The following VSTM4 variants were observed in gnomAD, a reference collection of about 807,000 sequenced individuals.
VSTM4 encodes the protein V-set and transmembrane domain-containing protein 4.
A neutral mutation model predicts 36.4 loss-of-function variants in VSTM4; 20 were observed. The ratio of observed to expected loss-of-function variants is 0.55; its 90% CI spans 0.39 to 0.80. The LOEUF is 0.80. VSTM4 is among the 30% of genes least tolerant of loss of function. VSTM4 has a pLI of 0.00. For missense variants in VSTM4, 392 were observed against 404.5 expected (o/e 0.97, Z 0.26); for synonymous variants, 182 against 173.9 (o/e 1.05, Z -0.37).
intron 7 of VSTM4, among the ~76,000 whole-genome samples, chr10:49,027,051 C>A (rs1377556973): frequency 6.6e-6 from 1 of 152,134 alleles, no homozygotes; most frequent in African/African-American, 2.4e-5. Flanking sequence ...CCTTCAAAAC[C>A]CACCAGGCCC....
intron 7 of VSTM4, among the ~76,000 whole-genome samples, chr10:49,032,530 G>A (rs149379782): frequency 6.6e-6 from 1 of 152,308 alleles, no homozygotes; most frequent in African/African-American, 2.4e-5. Flanking sequence ...AGAGGCTCGA[G>A]GATGCTGCTG....
chr10:49,035,819 G>C (rs1415172040), intron 7 of VSTM4, among the ~76,000 whole-genome samples: 1 of 152,080 alleles, frequency 6.6e-6, no homozygotes, highest in Non-Finnish European at 1.5e-5. Flanking sequence ...CTGGGCAATA[G>C]AGCAAGACTC....
Position 49,018,477 on chromosome 10 carries a change from A to G in VSTM4, c.*1173T>C, listed in dbSNP as rs752125940. On this transcript the variant is annotated 3_prime_UTR_variant, in exon 8 of 8. Coordinates refer to ENST00000332853, the MANE Select transcript of VSTM4 (RefSeq NM_001031746.5). ...AAAATAGATAATTTATCATATATAC[A>G]TGGTCCACTACATAGTCAAACAATT... The G allele has an allele frequency of 6.6e-6, 1 of 152,222 alleles. No individual in the cohort carries two copies. Among genetic ancestry groups the G allele is most frequent in the Admixed American group, 6.5e-5 (1 of 15,286 alleles). The allele number at this position is 152,222 out of a possible 1,614,324, so 9.4% of individuals were successfully genotyped here. A position where few individuals can be genotyped will look rare whatever the true frequency, so the allele number is the denominator to read the frequency against.
chr10:49,027,534 G>A (rs571578347), intron 7 of VSTM4, among the ~76,000 whole-genome samples: 30 of 152,284 alleles, frequency 2.0e-4, no homozygotes, highest in Admixed American at 9.2e-4. Context: ...ATAGATGTCT[G>A]TAACCACTGC....
intron 2 of VSTM4, among the ~76,000 whole-genome samples, chr10:49,093,245 C>T (rs1173685021): frequency 6.6e-6 from 1 of 152,074 alleles, no homozygotes; most frequent in African/African-American, 2.4e-5. Flanking sequence ...AAACATTCAC[C>T]CCTGGACACT....
chr10:49,038,316 A>C lies in VSTM4; in HGVS notation c.837+8667T>G, dbSNP rs1242815579. Among the ~76,000 whole-genome samples, 4 of 152,370 alleles carry C rather than the reference A, an allele frequency of 2.6e-5. 1 individual carries two copies. The highest frequency in any genetic ancestry group is 9.6e-5 in the African/African-American group (4 of 41,592). On this transcript the variant is annotated intron_variant, in intron 7 of 7. Transcript: ENST00000332853. ...AATTCTCACACACACAGCAACGTGG[A>C]TGAATAAGGACATTATGCTAAGCAA...
intron 2 of VSTM4, among the ~76,000 whole-genome samples, chr10:49,105,841 G>GTATATATATATATATATCTTGTGTGTA (rs1844772398): frequency 2.7e-5 from 4 of 149,372 alleles, no homozygotes; most frequent in African/African-American, 9.9e-5. Context: ...ATGTGTGTGT[G>GTATATATATATATATATCTTGTGTGTA]TATATATATA....
At chr10:49,080,721 C>T (rs907209578) in intron 3 of VSTM4, among the ~76,000 whole-genome samples, 5 of 152,140 alleles carry the variant, frequency 3.3e-5, no homozygotes, top group African/African-American at 9.7e-5. Context: ...AGAAGGATGC[C>T]TTAATAGCAT....
At chr10:49,053,505 A>G (rs1187537898) in intron 5 of VSTM4, among the ~76,000 whole-genome samples, 1 of 152,236 alleles carries the variant, frequency 6.6e-6, no homozygotes, top group Non-Finnish European at 1.5e-5. Context: ...ACCAATCTGT[A>G]AAAGGGGAGG....
chr10:49,109,377 T>C (rs1844851600), intron 1 of VSTM4, among the ~76,000 whole-genome samples: 1 of 152,194 alleles, frequency 6.6e-6, no homozygotes, highest in African/African-American at 2.4e-5. Context: ...GGAGGGATGG[T>C]AGATACAAAC....
chr10:49,104,816 GA>G (rs1331052069), intron 2 of VSTM4, among the ~76,000 whole-genome samples: 3 of 149,536 alleles, frequency 2.0e-5, no homozygotes, highest in Non-Finnish European at 4.5e-5. Context: ...GAGAGATACA[GA>G]GGGAGAGAGA....
At chr10:49,089,953 G>A (rs1174727316) in intron 2 of VSTM4, among the ~76,000 whole-genome samples, 1 of 152,214 alleles carries the variant, frequency 6.6e-6, no homozygotes, top group East Asian at 1.9e-4. Context: ...CAAATACTCT[G>A]CCCTCCTCAG....
chr10:49,034,209 C>CA (rs1843392620), intron 7 of VSTM4, among the ~76,000 whole-genome samples: 1 of 133,880 alleles, frequency 7.5e-6, no homozygotes, highest in Non-Finnish European at 1.7e-5. Flanking sequence ...TCACCATCAT[C>CA]ACCATCACTA....
chr10:49,051,907 TA>T (rs1188065063), intron 5 of VSTM4, among the ~76,000 whole-genome samples: 1 of 151,810 alleles, frequency 6.6e-6, no homozygotes, highest in Non-Finnish European at 1.5e-5. Context: ...TAAATCATAT[TA>T]TATTATAATT....
At chr10:49,032,424 T>C (rs533297158) in intron 7 of VSTM4, among the ~76,000 whole-genome samples, 4 of 152,300 alleles carry the variant, frequency 2.6e-5, no homozygotes, top group African/African-American at 9.6e-5. Flanking sequence ...GAAAGAAAGC[T>C]CTGATGTGAG....
rs1221946052 is a variant in VSTM4, at chr10:49,018,666, C to A, written c.*984G>T. On this transcript the variant is annotated 3_prime_UTR_variant, in exon 8 of 8. Transcript: ENST00000332853. ...GAGCAACTTCCCCATGCACCCTGAC[C>A]CCCATTCAAACCCATTAGAATTCAC... The A allele has an allele frequency of 6.6e-6, 1 of 151,934 alleles. No individual in the cohort carries two copies. The highest frequency in any genetic ancestry group is 1.5e-5 in the Non-Finnish European group (1 of 68,032). The allele number at this position is 151,934 out of a possible 1,614,324, so 9.4% of individuals were successfully genotyped here. A position where few individuals can be genotyped will look rare whatever the true frequency, so the allele number is the denominator to read the frequency against.
intron 2 of VSTM4, among the ~76,000 whole-genome samples, chr10:49,091,522 T>TG (rs1032509546): frequency 1.2e-4 from 18 of 152,152 alleles, no homozygotes; most frequent in Non-Finnish European, 2.6e-4. Flanking sequence ...TGATGGGACC[T>TG]GGGGGGAAAC....
At chr10:49,103,726 G>A (rs1169388176) in intron 2 of VSTM4, 2 of 1,611,408 alleles carry the variant, frequency 1.2e-6, no homozygotes, top group South Asian at 1.1e-5. Flanking sequence ...TGAAAGACAA[G>A]CAATTTTATC....
rs1427820265 is a variant in VSTM4, at chr10:49,019,401, G to C, written c.*249C>G. 2.9e-6 allele frequency: 1 copy of C among 339,854 alleles called. No homozygotes were observed. Among genetic ancestry groups the C allele is most frequent in the Non-Finnish European group, 5.1e-6 (1 of 196,564 alleles). 21.1% of individuals were successfully genotyped at this position (339,854 alleles called of 1,614,324 possible). A position where few individuals can be genotyped will look rare whatever the true frequency, so the allele number is the denominator to read the frequency against. On this transcript the variant is annotated 3_prime_UTR_variant, in exon 8 of 8. Coordinates refer to ENST00000332853, the MANE Select transcript of VSTM4 (RefSeq NM_001031746.5). ...ATCTCCTTGGCTGCTCTCAGGATCA[G>C]AATCCTTACGCTCAGGGCTCAAACC...
Sources: gnomAD v4.1 joint callset for allele counts (sites outside exome capture counted in the v4.1 genomes callset) on GRCh38, gnomAD v4.1.1 for gene constraint, MANE v1.5 for transcripts, NCBI Gene and HGNC (gene_info 2026-07-23, HGNC 2026-07-21) for gene names.